FAM222B: variants seen among roughly 807,000 people sequenced by gnomAD.
The protein encoded by FAM222B is protein FAM222B.
A neutral mutation model predicts 38.0 loss-of-function variants in FAM222B; 12 were observed. That is an observed-to-expected ratio of 0.32 (90% CI 0.20 to 0.51). The LOEUF is 0.51. Ranked by LOEUF, FAM222B falls within the 20% of genes least tolerant of loss-of-function variation. The pLI, the probability that FAM222B is intolerant of heterozygous loss-of-function variation, is 0.97. For synonymous variants in FAM222B, 329 were observed against 317.2 expected, an observed-to-expected ratio of 1.04 and a Z score of -0.40; for missense variants, 716 against 754.2, an observed-to-expected ratio of 0.95 and a Z score of 0.59.
chr17:28,784,982 C>G (rs12451790), intron 1 of FAM222B, among the ~76,000 whole-genome samples: 28,638 of 151,768 alleles, frequency 0.19, 2,835 homozygotes, highest in South Asian at 0.3. Context: ...TCTTAAACTC[C>G]TGGACTCAAA....
intron 2 of FAM222B, among the ~76,000 whole-genome samples, chr17:28,762,550 C>T (rs1269563719): frequency 1.3e-5 from 2 of 150,918 alleles, no homozygotes; most frequent in Non-Finnish European, 2.9e-5. Context: ...TTGCTTGAAC[C>T]CGGCAGGTGG....
Position 28,759,125 on chromosome 17 carries a change from C to T in FAM222B, c.834G>A (p.Thr278=), listed in dbSNP as rs373106054. The part of the protein sequence containing the change: ...IVHQINQFCQ[T]RAGISTTSVC... ...CTGAGGTAGTGCTGATGCCTGCCCTCGTCTGGCAAAACTGGTTGATCTGGT... is the reference window on the plus strand; with the variant it reads ...CTGAGGTAGTGCTGATGCCTGCCCTTGTCTGGCAAAACTGGTTGATCTGGT... Residue 278 remains threonine, a synonymous_variant, in exon 3 of 3, where the codon ACG becomes ACA. Transcript: ENST00000581407. This position sits in a 1 kb window ranked among gnomAD's most constrained non-coding sequence, Gnocchi z 4.8. 5.2e-4 allele frequency: 833 copies of T among 1,611,586 alleles called. 1 individual carries two copies. The highest frequency in any genetic ancestry group is 6.9e-4 in the Non-Finnish European group (808 of 1,179,060).
At chr17:28,790,996 C>T (rs1026143570) in intron 1 of FAM222B, among the ~76,000 whole-genome samples, 2 of 147,754 alleles carry the variant, frequency 1.4e-5, no homozygotes, top group Admixed American at 1.4e-4. Flanking sequence ...CCTCCCAGGT[C>T]CACGCCATTC....
In FAM222B at chr17:28,817,119, A is replaced by T. The variant is rs559681431; in HGVS notation, c.-41+25563T>A. The stretch of plus-strand genomic sequence containing the variant: ...AGAGAAGACATGACTGTTAAAAAAA[A>T]AAATAGTAATAAGCCCGGCGCAGTG... On this transcript the variant is annotated intron_variant, in intron 1 of 2. Coordinates refer to ENST00000581407, the MANE Select transcript of FAM222B (RefSeq NM_001077498.3). 1.1e-3 allele frequency among the ~76,000 whole-genome samples: 161 copies of T among 152,260 alleles called. 1 individual carries two copies. The highest frequency in any genetic ancestry group is 3.4e-3 in the African/African-American group (143 of 41,570).
At chr17:28,827,964 CTCA>C (rs2038499753) in intron 1 of FAM222B, among the ~76,000 whole-genome samples, 1 of 151,806 alleles carries the variant, frequency 6.6e-6, no homozygotes, top group South Asian at 2.1e-4. Context: ...TAAAAAAGGT[CTCA>C]TCCAAGAATT....
intron 1 of FAM222B, among the ~76,000 whole-genome samples, chr17:28,851,162 G>T (rs2039178582): frequency 6.6e-6 from 1 of 151,654 alleles, no homozygotes; most frequent in South Asian, 2.1e-4. Flanking sequence ...AAGGCTAGGG[G>T]CAGTAACTCA....
intron 1 of FAM222B, among the ~76,000 whole-genome samples, chr17:28,790,884 C>CATTTT (rs71135852): frequency 0.016 from 1,356 of 86,058 alleles, 481 homozygotes; most frequent in East Asian, 0.049. Flanking sequence ...AATTGTTTCA[C>CATTTT]TTTTTTTTTT....
At position 28,829,696 on chromosome 17, in the gene FAM222B, AGTTT is replaced by A. The variant is rs575289755; in HGVS notation, c.-41+12982_-41+12985del. 2.6e-4 allele frequency among the ~76,000 whole-genome samples: 40 copies of A among 151,868 alleles called. No individual in the cohort carries two copies. The East Asian group carries it at 7.4e-3, about 28-fold the overall frequency. On this transcript the variant is annotated intron_variant, in intron 1 of 2. Transcript: ENST00000581407. ...TAGTATTCCATTGTGTAGATACATT[AGTTT>A]GTTTATCCATTCCCCAGCTGAGAGT...
chr17:28,776,332 C>T (rs1199567710), intron 1 of FAM222B, among the ~76,000 whole-genome samples: 4 of 140,768 alleles, frequency 2.8e-5, no homozygotes, highest in Non-Finnish European at 4.6e-5. Context: ...GGCGAGATCA[C>T]GCCACTGCAC....
intron 1 of FAM222B, among the ~76,000 whole-genome samples, chr17:28,804,664 TAAAAC>T (rs2037396875): frequency 1.3e-5 from 2 of 152,108 alleles, no homozygotes; most frequent in African/African-American, 4.8e-5. Flanking sequence ...TAGTATTAAA[TAAAAC>T]AAACTGTCCC....
intron 1 of FAM222B, among the ~76,000 whole-genome samples, chr17:28,841,979 A>G (rs1467110977): frequency 6.6e-6 from 1 of 152,208 alleles, no homozygotes; most frequent in Non-Finnish European, 1.5e-5. Context: ...CATTCCATTA[A>G]CAACGGTAAG....
chr17:28,764,315 T>C (rs1249938168), intron 2 of FAM222B, among the ~76,000 whole-genome samples: 2 of 146,042 alleles, frequency 1.4e-5, no homozygotes, highest in African/African-American at 5.1e-5. Context: ...TGGTGGCTCA[T>C]GCCTGTAATC....
intron 1 of FAM222B, among the ~76,000 whole-genome samples, chr17:28,792,789 A>C (rs1162215628): frequency 6.7e-6 from 1 of 150,086 alleles, no homozygotes; most frequent in Non-Finnish European, 1.5e-5. Flanking sequence ...TCAAAAAAAA[A>C]AAAAAAAAAG....
chr17:28,780,271 G>C (rs994081073), intron 1 of FAM222B, among the ~76,000 whole-genome samples: 1 of 152,054 alleles, frequency 6.6e-6, no homozygotes, highest in Non-Finnish European at 1.5e-5. Context: ...GTCCCAGACA[G>C]AGCAATTAGG....
chr17:28,802,536 G>C (rs2037287261), intron 1 of FAM222B: 1 of 156,408 alleles, frequency 6.4e-6, no homozygotes, highest in South Asian at 1.9e-4. Flanking sequence ...AGATTCACAA[G>C]TGCATTCATG....
At chr17:28,821,735 G>A (rs796068571) in intron 1 of FAM222B, among the ~76,000 whole-genome samples, 3 of 152,282 alleles carry the variant, frequency 2.0e-5, no homozygotes, top group South Asian at 4.1e-4. Flanking sequence ...GCTGAGGCAG[G>A]TGGATCACAT....
rs747877144 is a variant in FAM222B at position 28,758,294 on chromosome 17, A to G, written c.1665T>C (p.His555=). 4 of 1,596,400 alleles carry G rather than the reference A, an allele frequency of 2.5e-6. No homozygotes were observed. Among genetic ancestry groups the G allele is most frequent in the Non-Finnish European group, 3.4e-6 (4 of 1,171,750 alleles). The change falls in exon 3 of 3, where the codon CAT becomes CAC. Residue 555 remains histidine (H), a synonymous_variant. Coordinates refer to ENST00000581407, the MANE Select transcript of FAM222B (RefSeq NM_001077498.3). ...CCTATCTATACCCTGGGTGCTGAAT[A>G]TGAAGACTTCGACTCTCTGTGGGAT... The part of the protein sequence containing the change: ...APDPTESRSL[H]IQHPGYR
At chr17:28,816,371 ATATCT>A (rs1227177288) in intron 1 of FAM222B, among the ~76,000 whole-genome samples, 1 of 152,206 alleles carries the variant, frequency 6.6e-6, no homozygotes, top group African/African-American at 2.4e-5. Context: ...TATGTTGAAC[ATATCT>A]TTTATAGTCA....
chr17:28,851,084 A>T (rs917040828), intron 1 of FAM222B, among the ~76,000 whole-genome samples: 2 of 151,958 alleles, frequency 1.3e-5, no homozygotes, highest in African/African-American at 4.8e-5. Context: ...GCACCGCTGC[A>T]CTCCAGCCTG....
Sources: allele counts gnomAD v4.1 joint callset (sites outside exome capture counted in the v4.1 genomes callset), GRCh38; gene constraint gnomAD v4.1.1; non-coding constraint Gnocchi (gnomAD v3.1); transcripts MANE v1.5; gene names NCBI Gene and HGNC (gene_info 2026-07-23, HGNC 2026-07-21).